Variants in ZNF407 observed in about 807,000 individuals in gnomAD.
ZNF407 encodes zinc finger protein 407.
ZNF407 carries 17 observed loss-of-function variants against 131.2 expected under a neutral mutation model. That is an observed-to-expected ratio of 0.13 (90% CI 0.09 to 0.19). The LOEUF is 0.19. Ranked by LOEUF, ZNF407 falls within the 10% of genes least tolerant of loss-of-function variation. The pLI, the probability that ZNF407 is intolerant of heterozygous loss-of-function variation, is 1.00. For missense variants in ZNF407, 2,681 were observed against 2,830.6 expected (o/e 0.95, Z 1.20); for synonymous variants, 1,156 against 1,062.0 (o/e 1.09, Z -1.72).
In ZNF407 at chr18:74,633,438, G is replaced by C; in HGVS notation, c.2419G>C (p.Glu807Gln). Residue 807 changes from glutamate (E) to glutamine (Q), a missense_variant, in exon 2 of 9, where the codon GAG becomes CAG. This residue lies in a region of ZNF407 where 1,789 missense variants were observed against 1,748.7 expected (regional missense o/e 1.02). Coordinates refer to ENST00000299687, the MANE Select transcript of ZNF407 (RefSeq NM_017757.3). ...IEGHIGVQLQ[E>Q]HSYLEKGMLA... Reference sequence around the variant, plus strand: ...AGGCCATATAGGTGTGCAATTACAAGAGCATTCCTATCTTGAGAAGGGCAT... The same window carrying C: ...AGGCCATATAGGTGTGCAATTACAACAGCATTCCTATCTTGAGAAGGGCAT... 1.2e-6 allele frequency: 2 copies of C among 1,613,996 alleles called. No individual in the cohort carries two copies. Among genetic ancestry groups the C allele is most frequent in the Non-Finnish European group, 1.7e-6 (2 of 1,179,894 alleles).
chr18:74,634,692 G>C lies in ZNF407; in HGVS notation c.3673G>C (p.Glu1225Gln). ...KNHEISNDAGELRVHCEGEGG... is the reference protein window; with the variant it reads ...KNHEISNDAGQLRVHCEGEGG... ...CCATGAGATATCGAATGATGCAGGT[G>C]AGCTGCGTGTCCATTGTGAGGGTGA... Residue 1225 changes from glutamate to glutamine, a missense_variant, in exon 2 of 9, where the codon GAG (glutamate) becomes CAG (glutamine). Physicochemically the swap from Glu to Gln is conservative, Grantham distance 29. This residue lies in a region of ZNF407 where 1,789 missense variants were observed against 1,748.7 expected (regional missense o/e 1.02). Transcript: ENST00000299687. 6.2e-7 allele frequency: 1 copy of C among 1,614,030 alleles called. No homozygotes were observed.
At chr18:74,823,664 A>G (rs769404774) in intron 4 of ZNF407, among the ~76,000 whole-genome samples, 2 of 152,350 alleles carry the variant, frequency 1.3e-5, no homozygotes, top group Non-Finnish European at 2.9e-5. Context: ...AGAGCTAACT[A>G]TCGTAAATAT....
intron 4 of ZNF407, among the ~76,000 whole-genome samples, chr18:74,785,230 G>C (rs931318583): frequency 6.6e-6 from 1 of 152,190 alleles, no homozygotes; most frequent in Non-Finnish European, 1.5e-5. Flanking sequence ...AGTCTGTGAA[G>C]TTTCTTACCC....
At chr18:74,919,249 AAC>A (rs1971814465) in intron 7 of ZNF407, among the ~76,000 whole-genome samples, 1 of 152,200 alleles carries the variant, frequency 6.6e-6, no homozygotes, top group Admixed American at 6.5e-5. Context: ...TGTGAGAGAT[AAC>A]AGTTATTTTC....
chr18:74,604,115 T>G (rs1982696662), intron 1 of ZNF407, among the ~76,000 whole-genome samples: 1 of 152,110 alleles, frequency 6.6e-6, no homozygotes, highest in East Asian at 1.9e-4. Context: ...ACCATGGAAG[T>G]TCACTTGGTC....
At chr18:74,793,447 T>A (rs1009469537) in intron 4 of ZNF407, among the ~76,000 whole-genome samples, 20 of 152,234 alleles carry the variant, frequency 1.3e-4, no homozygotes, top group African/African-American at 4.8e-4. Flanking sequence ...ATATGCTTGA[T>A]GTGTAAACAA....
intron 8 of ZNF407, among the ~76,000 whole-genome samples, chr18:74,966,480 G>T (rs1263267659): frequency 6.6e-6 from 1 of 152,166 alleles, no homozygotes; most frequent in African/African-American, 2.4e-5. Flanking sequence ...CCGTAGGTAT[G>T]TGGATTTGTT....
chr18:74,779,035 G>A (rs1351756538), intron 3 of ZNF407, among the ~76,000 whole-genome samples: 1 of 139,644 alleles, frequency 7.2e-6, no homozygotes, highest in Non-Finnish European at 1.5e-5. Context: ...ACCACATATG[G>A]CTGTCAATAT....
chr18:74,602,360 A>G (rs996316668), intron 1 of ZNF407, among the ~76,000 whole-genome samples: 1 of 152,176 alleles, frequency 6.6e-6, no homozygotes, highest in African/African-American at 2.4e-5. Flanking sequence ...CCTTTAGAGG[A>G]TTATTGCTTT....
At chr18:74,799,554 C>T (rs1410775093) in intron 4 of ZNF407, among the ~76,000 whole-genome samples, 1 of 152,018 alleles carries the variant, frequency 6.6e-6, no homozygotes, top group Non-Finnish European at 1.5e-5. Flanking sequence ...TACCTGTTGT[C>T]CCAAGAATTG....
At chr18:74,996,847 T>C (rs1036820966) in intron 8 of ZNF407, among the ~76,000 whole-genome samples, 4 of 152,258 alleles carry the variant, frequency 2.6e-5, no homozygotes, top group Admixed American at 2.0e-4. Context: ...AAGTAAAGAC[T>C]ATGAAGAGAC....
intron 7 of ZNF407, among the ~76,000 whole-genome samples, chr18:74,912,041 G>T (rs1245635610): frequency 7.9e-5 from 12 of 152,268 alleles, no homozygotes; most frequent in African/African-American, 2.9e-4. Flanking sequence ...GCAAATTGGG[G>T]TAGTGAGGCC....
At chr18:74,617,850 A>G (rs1436413859) in intron 1 of ZNF407, among the ~76,000 whole-genome samples, 11 of 151,678 alleles carry the variant, frequency 7.3e-5, no homozygotes, top group Non-Finnish European at 1.0e-4. Flanking sequence ...CTGCAAATCT[A>G]AAACGCCCCC....
At chr18:74,900,850 A>G (rs564161088) in intron 7 of ZNF407, among the ~76,000 whole-genome samples, 1 of 152,104 alleles carries the variant, frequency 6.6e-6, no homozygotes, top group East Asian at 1.9e-4. Flanking sequence ...TAAATTATAT[A>G]TTTTCTGTGT....
At chr18:74,718,825 C>T (rs186118573) in intron 3 of ZNF407, among the ~76,000 whole-genome samples, 3 of 152,178 alleles carry the variant, frequency 2.0e-5, no homozygotes, top group East Asian at 1.9e-4. Flanking sequence ...TAAGTAATTT[C>T]GTATCTCCTA....
chr18:74,856,523 T>C (rs1419039110), intron 4 of ZNF407, among the ~76,000 whole-genome samples: 3 of 152,184 alleles, frequency 2.0e-5, no homozygotes, highest in Non-Finnish European at 4.4e-5. Flanking sequence ...AAGCCAGAAA[T>C]GTAGAACCTG....
chr18:74,616,186 TTGTATC>T (rs1599132355), intron 1 of ZNF407, among the ~76,000 whole-genome samples: 1 of 152,220 alleles, frequency 6.6e-6, no homozygotes, highest in East Asian at 1.9e-4. Flanking sequence ...GACATTCTGT[TTGTATC>T]TGTCACCCAG....
At position 74,702,109 on chromosome 18, in the gene ZNF407, G is replaced by A. The variant is rs991227793; in HGVS notation, c.4802+60987G>A. 3.3e-5 allele frequency among the ~76,000 whole-genome samples: 5 copies of A among 152,138 alleles called. No homozygotes were observed. The South Asian group carries it at 1.0e-3, about 31-fold the overall frequency. ...CTTCTAATGAGGTATTAGATCAGAG[G>A]TGGCATTACATTTTGGAGGGGCTGC... is the stretch of plus-strand genomic sequence containing the variant. On this transcript the variant is annotated intron_variant, in intron 3 of 8. Transcript: ENST00000299687.
intron 3 of ZNF407, among the ~76,000 whole-genome samples, chr18:74,696,624 G>A (rs1967363267): frequency 6.6e-6 from 1 of 152,184 alleles, no homozygotes; most frequent in Non-Finnish European, 1.5e-5. Context: ...TATAATGTGT[G>A]TGTGTGTGTG....
Sources: allele counts gnomAD v4.1 joint callset (sites outside exome capture counted in the v4.1 genomes callset), GRCh38; gene constraint gnomAD v4.1.1; regional missense constraint gnomAD v4.1.1; transcripts MANE v1.5; gene names NCBI Gene and HGNC (gene_info 2026-07-23, HGNC 2026-07-21).